Variants in BAG3 observed in about 807,000 individuals in gnomAD.
BAG3 encodes BAG cochaperone 3.
In BAG3, 14 loss-of-function variants were observed where a neutral mutation model predicts 40.5. The observed-to-expected ratio is 0.35, with a 90% confidence interval of 0.23 to 0.54. The LOEUF (loss-of-function observed/expected upper bound fraction) is 0.54. BAG3 is among the 20% of genes least tolerant of loss of function. The probability of loss-of-function intolerance (pLI) is 0.91; values close to 1 mark genes in which losing one functional copy is unlikely to be tolerated. For missense variants in BAG3, 788 were observed against 758.6 expected, an observed-to-expected ratio of 1.04 and a Z score of -0.46; for synonymous variants, 302 against 307.8, an observed-to-expected ratio of 0.98 and a Z score of 0.20.
At chr10:119,661,265 A>AAAAGAAAG (rs369439951) in intron 1 of BAG3, among the ~76,000 whole-genome samples, 3 of 152,174 alleles carry the variant, frequency 2.0e-5, no homozygotes, top group African/African-American at 7.2e-5. Flanking sequence ...GTCTCCAAAA[A>AAAAGAAAG]AAAGAAAGAA....
At chr10:119,671,673 C>T (rs1847152167) in intron 2 of BAG3, among the ~76,000 whole-genome samples, 1 of 152,180 alleles carries the variant, frequency 6.6e-6, no homozygotes, top group Admixed American at 6.5e-5. Context: ...GGGCACTCTT[C>T]CTATATTTCA....
Position 119,651,448 on chromosome 10 carries a change from C to A in BAG3, c.-228C>A, listed in dbSNP as rs1376679886. On this transcript the variant is annotated 5_prime_UTR_variant, in exon 1 of 4. Coordinates refer to ENST00000369085, the MANE Select transcript of BAG3 (RefSeq NM_004281.4). The stretch of plus-strand genomic sequence containing the variant: ...GAAGTTTCTAGCCGGCCAGTTGCTA[C>A]CTCCCTTTATCTCCTCCTTCCCCTC... The A allele has an allele frequency of 9.5e-6, 4 of 419,676 alleles. No homozygotes were observed. Among genetic ancestry groups the A allele is most frequent in the Non-Finnish European group, 1.7e-5 (4 of 242,404 alleles). 26.0% of individuals were successfully genotyped at this position (419,676 alleles called of 1,614,324 possible).
chr10:119,659,797 T>A (rs196344), intron 1 of BAG3, among the ~76,000 whole-genome samples: 106,052 of 152,176 alleles, frequency 0.7, 37,276 homozygotes, highest in Middle Eastern at 0.74. Flanking sequence ...AATGTAGCAG[T>A]TGAGAGAGGT....
At chr10:119,674,648 T>C (rs2134066646) in intron 3 of BAG3, among the ~76,000 whole-genome samples, 1 of 152,318 alleles carries the variant, frequency 6.6e-6, no homozygotes, top group East Asian at 1.9e-4. Context: ...AAGTGTTAGA[T>C]ATTCACTTAC....
chr10:119,666,265 C>G (rs1044622343), intron 1 of BAG3, among the ~76,000 whole-genome samples: 2 of 152,188 alleles, frequency 1.3e-5, no homozygotes, highest in East Asian at 3.9e-4. Flanking sequence ...GCCCCCACTT[C>G]CAGCCTGGCC....
Position 119,662,215 on chromosome 10 carries a change from G to GTTTTTTTTTTTTTT in BAG3, c.181-7626_181-7625insTTTTTTTTTTTTTT, listed in dbSNP as rs367864009. ...GGCCCCCGCCACCATGCCTGGCTATGTTTTTTTTTTGTTTTTTTTTTTTTT... is the reference window on the plus strand; with the variant it reads ...GGCCCCCGCCACCATGCCTGGCTATGTTTTTTTTTTTTTTTTTTTTTTTTGTTTTTTTTTTTTTT... On this transcript the variant is annotated intron_variant, in intron 1 of 3. Transcript: ENST00000369085. 9.5e-4 allele frequency among the ~76,000 whole-genome samples: 86 copies of GTTTTTTTTTTTTTT among 90,374 alleles called. 1 individual carries two copies. Among genetic ancestry groups the GTTTTTTTTTTTTTT allele is most frequent in the East Asian group, 2.0e-3 (7 of 3,584 alleles). The allele number at this position is 90,374 out of a possible 152,430, so 59.3% of individuals were successfully genotyped here.
At chr10:119,670,960 A>G (rs1031561487) in intron 2 of BAG3, among the ~76,000 whole-genome samples, 7 of 152,120 alleles carry the variant, frequency 4.6e-5, no homozygotes, top group African/African-American at 1.4e-4. Flanking sequence ...ACCCTGAGTC[A>G]TGCTTGCCTC....
At chr10:119,658,103 A>G (rs911966964) in intron 1 of BAG3, among the ~76,000 whole-genome samples, 4 of 152,362 alleles carry the variant, frequency 2.6e-5, no homozygotes, top group African/African-American at 7.2e-5. Context: ...TGCTGTTTTA[A>G]AGTATCTTCC....
Position 119,651,787 on chromosome 10 carries a change from T to C in BAG3, c.112T>C (p.Phe38Leu). 6.2e-7 allele frequency: 1 copy of C among 1,602,432 alleles called. No homozygotes were observed. The highest frequency in any genetic ancestry group is 8.5e-7 in the Non-Finnish European group (1 of 1,175,090). The stretch of plus-strand genomic sequence containing the variant: ...GATCGACCCGCAGACCGGCTGGCCC[T>C]TCTTCGTGGACCACAACAGCCGCAC... ...IKIDPQTGWPFFVDHNSRTTT... is the reference protein window; with the variant it reads ...IKIDPQTGWPLFVDHNSRTTT... The change falls in exon 1 of 4, where the codon TTC (phenylalanine) becomes CTC (leucine). Residue 38 changes from phenylalanine to leucine, a missense_variant. Coordinates refer to ENST00000369085, the MANE Select transcript of BAG3 (RefSeq NM_004281.4).
At chr10:119,669,817 T>G (rs774408487) in intron 1 of BAG3, 34 bp from the exon 2 acceptor site, 2 of 1,602,304 alleles carry the variant, frequency 1.2e-6, no homozygotes, top group African/African-American at 1.3e-5. Context: ...TCCCAGTTTC[T>G]AACCAGCCTG....
At chr10:119,674,007 C>CT (rs1294517512) in intron 3 of BAG3, among the ~76,000 whole-genome samples, 1 of 152,082 alleles carries the variant, frequency 6.6e-6, no homozygotes, top group Non-Finnish European at 1.5e-5. Flanking sequence ...ATTTTTGAAT[C>CT]TTTTTTATAG....
chr10:119,671,263 G>A (rs1022932076), intron 2 of BAG3, among the ~76,000 whole-genome samples: 7 of 152,080 alleles, frequency 4.6e-5, no homozygotes, highest in African/African-American at 1.4e-4. Context: ...AGCCGAGATC[G>A]CACCACTGCA....
chr10:119,677,316 T>C lies in BAG3; in HGVS notation c.*34T>C, dbSNP rs1479575634. The C allele has an allele frequency of 1.9e-6, 3 of 1,611,990 alleles. No homozygotes were observed. Among genetic ancestry groups the C allele is most frequent in the African/African-American group, 1.3e-5 (1 of 74,966 alleles). ...CTGTAAAAATCAGACTCGGAACCGA[T>C]GTGTGCTTTAGGGAATTTTAAGTTG... On this transcript the variant is annotated 3_prime_UTR_variant, in exon 4 of 4. Transcript: ENST00000369085.
At chr10:119,657,275 A>G (rs1846926389) in intron 1 of BAG3, among the ~76,000 whole-genome samples, 2 of 152,212 alleles carry the variant, frequency 1.3e-5, no homozygotes. Flanking sequence ...ACTGTTCTCC[A>G]CAAAGCATGT....
chr10:119,670,371 A>C (rs1281485623), intron 2 of BAG3, among the ~76,000 whole-genome samples, 194 bp downstream of exon 2: 1 of 152,206 alleles, frequency 6.6e-6, no homozygotes, highest in Non-Finnish European at 1.5e-5. Flanking sequence ...AGCATCTCAT[A>C]GGGCTGTTCT....
At position 119,676,730 on chromosome 10, in the gene BAG3, A is replaced by G; in HGVS notation, c.1176A>G (p.Thr392=). The change falls in exon 4 of 4, where the codon ACA becomes ACG. Residue 392 remains threonine (T), a synonymous_variant. Coordinates refer to ENST00000369085, the MANE Select transcript of BAG3 (RefSeq NM_004281.4). ...AVPSSPKSVA[T]EERAAPSTAP... ...CCTCTTCCCCCAAGAGTGTGGCTACAGAAGAGAGGGCAGCCCCCAGCACTG... is the reference window on the plus strand; with the variant it reads ...CCTCTTCCCCCAAGAGTGTGGCTACGGAAGAGAGGGCAGCCCCCAGCACTG... 1 of 1,614,128 alleles carries G rather than the reference A, an allele frequency of 6.2e-7. No individual in the cohort carries two copies. The highest frequency in any genetic ancestry group is 8.5e-7 in the Non-Finnish European group (1 of 1,180,012).
Position 119,651,553 on chromosome 10 carries a change from C to T in BAG3, c.-123C>T, listed in dbSNP as rs942574209. On this transcript the variant is annotated 5_prime_UTR_variant, in exon 1 of 4. Transcript: ENST00000369085. ...CCCGCCTTTAATTCATAAAGGTGCC[C>T]GGCGCCGGCTTCCCGGACACGTCGG... 3 of 946,260 alleles carry T rather than the reference C, an allele frequency of 3.2e-6. No homozygotes were observed. Among genetic ancestry groups the T allele is most frequent in the South Asian group, 2.6e-5 (1 of 38,228 alleles). 58.6% of individuals were successfully genotyped at this position (946,260 alleles called of 1,614,324 possible).
intron 1 of BAG3, among the ~76,000 whole-genome samples, chr10:119,664,219 A>G (rs543850265): frequency 4.6e-5 from 7 of 152,262 alleles, no homozygotes; most frequent in Non-Finnish European, 1.0e-4. Flanking sequence ...GCTTTCTCTA[A>G]TCATAATATC....
At chr10:119,668,427 G>A (rs138922789) in intron 1 of BAG3, among the ~76,000 whole-genome samples, 4 of 152,350 alleles carry the variant, frequency 2.6e-5, no homozygotes, top group Admixed American at 1.3e-4. Context: ...TTTGTTCGCC[G>A]TGCAGACAGC....
Sources: allele counts gnomAD v4.1 joint callset (sites outside exome capture counted in the v4.1 genomes callset), GRCh38; gene constraint gnomAD v4.1.1; transcripts MANE v1.5; gene names NCBI Gene and HGNC (gene_info 2026-07-23, HGNC 2026-07-21).